The following SNAPC1 variants were observed in gnomAD, a reference collection of about 807,000 sequenced individuals.
SNAPC1 encodes the protein small nuclear RNA activating complex polypeptide 1, also known as snRNA-activating protein complex subunit 1.
In SNAPC1, 42 loss-of-function variants were observed where a neutral mutation model predicts 50.1. That is an observed-to-expected ratio of 0.84 (90% CI 0.65 to 1.08). The LOEUF (loss-of-function observed/expected upper bound fraction) is 1.08. Ranked by LOEUF, SNAPC1 falls within the 50% of genes least tolerant of loss-of-function variation. The pLI, the probability that SNAPC1 is intolerant of heterozygous loss-of-function variation, is 0.00. For synonymous variants in SNAPC1, 164 were observed against 144.2 expected (o/e 1.14, Z -0.98); for missense variants, 477 against 427.3 (o/e 1.12, Z -1.02).
rs1229135659 is a variant in SNAPC1, at chr14:61,766,971, G to C, written c.224G>C (p.Arg75Thr). ...TTACCTCCATACACCTTCCAGATCA[G>C]AGTTGGTGCTTTGTATCTGCTATAT... ...YFLPPYTFQI[R>T]VGALYLLYGL... is the part of the protein sequence containing the mutation. Residue 75 changes from arginine to threonine, a missense_variant, in exon 2 of 10, where the codon AGA becomes ACA. Coordinates refer to ENST00000216294, the MANE Select transcript of SNAPC1 (RefSeq NM_003082.4). 2.5e-6 allele frequency: 4 copies of C among 1,610,728 alleles called. No homozygotes were observed. The highest frequency in any genetic ancestry group is 2.2e-5 in the East Asian group (1 of 44,812).
At position 61,791,871 on chromosome 14, in the gene SNAPC1, C is replaced by T. The variant is rs1015768687; in HGVS notation, c.977-936C>T. Reference sequence around the variant, plus strand: ...CAAAAAAAAAAATAGCTTAAGTGTGCGGCAGTTTATATTAAATGGCTTCAT... The same window carrying T: ...CAAAAAAAAAAATAGCTTAAGTGTGTGGCAGTTTATATTAAATGGCTTCAT... On this transcript the variant is annotated intron_variant, in intron 8 of 9. Transcript: ENST00000216294. 4.6e-5 allele frequency among the ~76,000 whole-genome samples: 7 copies of T among 151,516 alleles called. No individual in the cohort carries two copies. In the South Asian group the frequency reaches 1.0e-3, roughly 23 times the overall value.
intron 1 of SNAPC1, among the ~76,000 whole-genome samples, chr14:61,763,493 T>G (rs1400004811): frequency 7.5e-6 from 1 of 133,742 alleles, no homozygotes; most frequent in Admixed American, 7.4e-5. Context: ...CTGCTTTTTT[T>G]TTTTTTTTTT....
In SNAPC1 at chr14:61,795,338, TA is replaced by T. The variant is rs2045181621; in HGVS notation, c.*356del. ...ATTCTATTTTATTTAAAATATTTTT[TA>T]TTGAAATATTAATGTTTATTACATG... On this transcript the variant is annotated 3_prime_UTR_variant, in exon 10 of 10. Coordinates refer to ENST00000216294, the MANE Select transcript of SNAPC1 (RefSeq NM_003082.4). The T allele has an allele frequency of 6.4e-6, 1 of 157,470 alleles. No homozygotes were observed. The highest frequency in any genetic ancestry group is 1.4e-5 in the Non-Finnish European group (1 of 71,824). 9.8% of individuals were successfully genotyped at this position (157,470 alleles called of 1,614,324 possible).
intron 1 of SNAPC1, 122 bp from the exon 2 acceptor site, chr14:61,766,754 A>G: frequency 1.9e-6 from 1 of 514,690 alleles, no homozygotes; most frequent in Admixed American, 3.4e-5. Context: ...TGAATCATGA[A>G]AGAATCAGGT....
chr14:61,773,435 C>T (rs995124434), intron 4 of SNAPC1, among the ~76,000 whole-genome samples: 10 of 141,690 alleles, frequency 7.1e-5, no homozygotes, highest in Admixed American at 4.4e-4. Context: ...TGGAGTCTCC[C>T]TCTGTCGCCC....
chr14:61,794,434 C>G (rs1050951769), intron 9 of SNAPC1, among the ~76,000 whole-genome samples: 2 of 152,146 alleles, frequency 1.3e-5, no homozygotes, highest in East Asian at 3.9e-4. Flanking sequence ...GAGATGGAGT[C>G]TCGCTCTGTC....
chr14:61,766,152 T>C (rs184945098), intron 1 of SNAPC1, among the ~76,000 whole-genome samples: 39 of 152,384 alleles, frequency 2.6e-4, no homozygotes, highest in African/African-American at 9.1e-4. Context: ...GTGTATTTTA[T>C]GTTCTTAGCT....
chr14:61,772,986 A>T (rs895852898), intron 4 of SNAPC1, among the ~76,000 whole-genome samples: 8 of 152,156 alleles, frequency 5.3e-5, no homozygotes, highest in Non-Finnish European at 1.2e-4. Flanking sequence ...TGCTGGCTCT[A>T]TATCTTTTGT....
At chr14:61,778,414 C>A (rs1235498490) in intron 6 of SNAPC1, among the ~76,000 whole-genome samples, 2 of 152,214 alleles carry the variant, frequency 1.3e-5, no homozygotes, top group Non-Finnish European at 2.9e-5. Flanking sequence ...TGTAATATAT[C>A]TTTTCTCACT....
At chr14:61,775,127 G>A (rs1335665316) in intron 4 of SNAPC1, among the ~76,000 whole-genome samples, 1 of 152,142 alleles carries the variant, frequency 6.6e-6, no homozygotes, top group Non-Finnish European at 1.5e-5. Context: ...GTTTTCTTAA[G>A]TCCACTCTGT....
chr14:61,790,695 A>G (rs1486579054), intron 8 of SNAPC1, among the ~76,000 whole-genome samples: 1 of 152,136 alleles, frequency 6.6e-6, no homozygotes, highest in Non-Finnish European at 1.5e-5. Flanking sequence ...TCTAGATAAT[A>G]CATAGCAGAA....
At chr14:61,777,611 AT>A (rs60067898) in intron 5 of SNAPC1, among the ~76,000 whole-genome samples, 8,673 of 109,414 alleles carry the variant, frequency 0.079, 551 homozygotes, top group African/African-American at 0.22. Flanking sequence ...TTTAGTTTTA[AT>A]TTTTTTTTTT....
At chr14:61,776,900 C>T (rs1043328996) in intron 5 of SNAPC1, among the ~76,000 whole-genome samples, 2 of 152,178 alleles carry the variant, frequency 1.3e-5, no homozygotes, top group African/African-American at 4.8e-5. Flanking sequence ...GCTAGAGCTA[C>T]CCATATTTCA....
intron 8 of SNAPC1, among the ~76,000 whole-genome samples, chr14:61,792,484 T>C (rs1358379801): frequency 6.7e-6 from 1 of 149,650 alleles, no homozygotes; most frequent in Non-Finnish European, 1.5e-5. Context: ...TATGTGATTA[T>C]TCTTTGATGG....
chr14:61,777,461 T>C (rs2045043051), intron 5 of SNAPC1, among the ~76,000 whole-genome samples: 1 of 152,204 alleles, frequency 6.6e-6, no homozygotes, highest in Admixed American at 6.5e-5. Context: ...CACTGCAGCC[T>C]CAACCTCCCA....
chr14:61,787,135 A>G lies in SNAPC1; in HGVS notation c.976+4738A>G, dbSNP rs113848310. Among the ~76,000 whole-genome samples, 1,300 of 152,350 alleles carry G rather than the reference A, an allele frequency of 8.5e-3. 7 individuals carry two copies. Among genetic ancestry groups the G allele is most frequent in the Middle Eastern group, 0.031 (9 of 294 alleles). ...ATTTGGTTGCTACGGACTTAGGGGT[A>G]GGGGAAGGTATTAAATGCCCAGTGG... On this transcript the variant is annotated intron_variant, in intron 8 of 9. Transcript: ENST00000216294.
chr14:61,766,052 G>A (rs146999678), intron 1 of SNAPC1, among the ~76,000 whole-genome samples: 3 of 152,322 alleles, frequency 2.0e-5, no homozygotes, highest in Non-Finnish European at 2.9e-5. Context: ...ATCTAATTAA[G>A]ACTAAATAGT....
rs367819900 is a variant in SNAPC1 at position 61,778,186 on chromosome 14, A to G, written c.762+46A>G. 13 of 1,108,442 alleles carry G rather than the reference A, an allele frequency of 1.2e-5. No individual in the cohort carries two copies. In the African/African-American group the frequency reaches 1.7e-4, roughly 15 times the overall value. The allele number at this position is 1,108,442 out of a possible 1,614,324, so 68.7% of individuals were successfully genotyped here. A position where few individuals can be genotyped will look rare whatever the true frequency, so the allele number is the denominator to read the frequency against. On this transcript the variant is annotated intron_variant, in intron 6 of 9. Coordinates refer to ENST00000216294, the MANE Select transcript of SNAPC1 (RefSeq NM_003082.4). ...ATATTATGTGTGGCTGTGATTCTGT[A>G]TACTGAGCATTGTGACCCATGGTCA...
chr14:61,794,441 T>C (rs1191946592), intron 9 of SNAPC1, among the ~76,000 whole-genome samples: 4 of 152,220 alleles, frequency 2.6e-5, no homozygotes. Flanking sequence ...AGTCTCGCTC[T>C]GTCGTCCAGG....
Sources: allele counts gnomAD v4.1 joint callset (sites outside exome capture counted in the v4.1 genomes callset), GRCh38; gene constraint gnomAD v4.1.1; transcripts MANE v1.5; gene names NCBI Gene and HGNC (gene_info 2026-07-23, HGNC 2026-07-21).